MTOR: variants seen among roughly 807,000 people sequenced by gnomAD.
MTOR encodes serine/threonine-protein kinase mTOR.
Under a neutral mutation model 319.8 loss-of-function variants are expected in MTOR, and 70 were observed. That is an observed-to-expected ratio of 0.22 (90% CI 0.18 to 0.27). The LOEUF is 0.27. Among genes scored for constraint, MTOR ranks in the 10% least tolerant of loss-of-function variants. The pLI, the probability that MTOR is intolerant of heterozygous loss-of-function variation, is 1.00. For synonymous variants in MTOR, 1,183 were observed against 1,211.4 expected (o/e 0.98, Z 0.49); for missense variants, 1,890 against 3,274.4 (o/e 0.58, Z 10.32).
chr1:11,123,297 C>T (rs1420348301), intron 47 of MTOR, among the ~76,000 whole-genome samples: 1 of 152,070 alleles, frequency 6.6e-6, no homozygotes, highest in Non-Finnish European at 1.5e-5. Context: ...CTCGCTGTTA[C>T]CTAGGCTCGA....
intron 18 of MTOR, among the ~76,000 whole-genome samples, chr1:11,229,907 G>T (rs963295309): frequency 1.3e-5 from 2 of 152,042 alleles, no homozygotes; most frequent in Non-Finnish European, 2.9e-5. Context: ...AGCCCAGGAG[G>T]TCGAGGCTAC....
intron 29 of MTOR, among the ~76,000 whole-genome samples, chr1:11,167,202 AC>A (rs1159956529): frequency 1.3e-5 from 2 of 152,110 alleles, no homozygotes; most frequent in Non-Finnish European, 2.9e-5. Flanking sequence ...TATGTAACAA[AC>A]CTGCACGTTG....
At chr1:11,232,902 T>C in intron 15 of MTOR, 1 of 601,530 alleles carries the variant, frequency 1.7e-6, no homozygotes, top group Non-Finnish European at 2.9e-6. Context: ...AAATTTTTTT[T>C]AAAAAAGCCC....
intron 6 of MTOR, among the ~76,000 whole-genome samples, chr1:11,250,806 TCAGTCTTCCCACTG>T (rs1423331372): frequency 6.6e-6 from 1 of 152,182 alleles, no homozygotes; most frequent in Non-Finnish European, 1.5e-5. Flanking sequence ...TGCTCCCATT[TCAGTCTTCCCACTG>T]CAGTGAATGG....
intron 4 of MTOR, among the ~76,000 whole-genome samples, chr1:11,256,612 CAG>C (rs1385782525): frequency 6.6e-6 from 1 of 152,192 alleles, no homozygotes; most frequent in Non-Finnish European, 1.5e-5. Context: ...CCCCAGGTTA[CAG>C]AGTTAGGTAG....
In MTOR at chr1:11,121,828, C is replaced by T. The variant is rs1196993911; in HGVS notation, c.6810+151G>A. Reference sequence around the variant, plus strand: ...CTTCAGTTTCTTACAAGCTTATCTGCTTTAGGACTCACTTTATTAAACCTT... The same window carrying T: ...CTTCAGTTTCTTACAAGCTTATCTGTTTTAGGACTCACTTTATTAAACCTT... On this transcript the variant is annotated intron_variant, in intron 48 of 57. Transcript: ENST00000361445. This position sits in a 1 kb window ranked among gnomAD's most constrained non-coding sequence, Gnocchi z 4.9. 9.5e-7 allele frequency: 1 copy of T among 1,055,080 alleles called. No individual in the cohort carries two copies. The highest frequency in any genetic ancestry group is 1.6e-5 in the African/African-American group (1 of 62,466). The allele number at this position is 1,055,080 out of a possible 1,614,324, so 65.4% of individuals were successfully genotyped here.
chr1:11,150,132 C>G lies in MTOR; in HGVS notation c.4564G>C (p.Gly1522Arg). The G allele has an allele frequency of 6.2e-7, 1 of 1,613,902 alleles. No homozygotes were observed. The highest frequency in any genetic ancestry group is 8.5e-7 in the Non-Finnish European group (1 of 1,179,968). The change falls in exon 31 of 58, where the codon GGT becomes CGT. Residue 1522 changes from glycine to arginine, a missense_variant. Physicochemically the swap from Gly to Arg is moderately radical, Grantham distance 125. This residue lies in a region of MTOR where 276 missense variants were observed against 459.4 expected (regional missense o/e 0.60). Transcript: ENST00000361445. ...CCTGTGAGGGAAGCTTTACCTAAAC[C>G]CCATGCAGCTGCAGCAGCCATCCGG... ...MARMAAAAAW[G>R]LGQWDSMEEY... is the part of the protein sequence containing the mutation.
At position 11,241,562 on chromosome 1, in the gene MTOR, A is replaced by G. The variant is rs778795250; in HGVS notation, c.1532T>C (p.Val511Ala). 6.2e-7 allele frequency: 1 copy of G among 1,612,714 alleles called. No homozygotes were observed. The highest frequency in any genetic ancestry group is 8.5e-7 in the Non-Finnish European group (1 of 1,179,130). Residue 511 changes from valine (V) to alanine (A), a missense_variant, in exon 10 of 58, where the codon GTG becomes GCG. Physicochemically the swap from Val to Ala is moderately conservative, Grantham distance 64 (BLOSUM62 0). Around this residue, in one of 15 missense-constraint regions of MTOR, gnomAD observed 418 missense variants for 543.1 expected, o/e 0.77. Coordinates refer to ENST00000361445, the MANE Select transcript of MTOR (RefSeq NM_004958.4). ...IKELLEPMLA[V>A]GLSPALTAVL... ...GGTTTCTGACACCCACCTTAGTCCC[A>G]CTGCCAGCATGGGCTCCAGCAGCTC...
chr1:11,130,432 A>G lies in MTOR; in HGVS notation c.5613+97T>C, dbSNP rs973558056. 3.7e-5 allele frequency: 57 copies of G among 1,537,152 alleles called. No individual in the cohort carries two copies. The South Asian group carries it at 6.6e-4, about 18-fold the overall frequency. ...TTTCCAGCTCCATCTGGCACTTCAG[A>G]TACAGCCTCAGGTTCCTTTTAAGCT... is the stretch of plus-strand genomic sequence containing the variant. On this transcript the variant is annotated intron_variant, in intron 39 of 57. Transcript: ENST00000361445.
rs150584715 is a variant in MTOR at position 11,134,301 on chromosome 1, G to A, written c.5246+50C>T. The stretch of plus-strand genomic sequence containing the variant: ...ACTCCTCCTTGCTGCAGAAGCTGCT[G>A]GGATGACAGGGCTGGAATATGACTT... On this transcript the variant is annotated intron_variant, in intron 37 of 57. Coordinates refer to ENST00000361445, the MANE Select transcript of MTOR (RefSeq NM_004958.4). 17 of 1,541,128 alleles carry A rather than the reference G, an allele frequency of 1.1e-5. No homozygotes were observed. In the Admixed American group the frequency reaches 1.2e-4, roughly 11 times the overall value.
chr1:11,118,228 AT>A (rs771785403), intron 49 of MTOR, among the ~76,000 whole-genome samples: 1,440 of 120,488 alleles, frequency 0.012, 1 homozygote, highest in African/African-American at 0.05. Context: ...AACTTAGTTA[AT>A]TTTTTTTTTT....
chr1:11,220,704 A>G (rs1419719813), intron 19 of MTOR, among the ~76,000 whole-genome samples: 1 of 152,234 alleles, frequency 6.6e-6, no homozygotes. Context: ...AAAAGCAAGG[A>G]AAACAATTCT....
At chr1:11,139,160 CT>C (rs1643569310) in intron 36 of MTOR, 143 bp downstream of exon 36, 4 of 1,174,328 alleles carry the variant, frequency 3.4e-6, no homozygotes, top group Non-Finnish European at 4.8e-6. Flanking sequence ...GGCCAAATAG[CT>C]TTGTAACAGG....
At chr1:11,244,144 T>C (rs1359822208) in intron 8 of MTOR, among the ~76,000 whole-genome samples, 1 of 151,626 alleles carries the variant, frequency 6.6e-6, no homozygotes, top group African/African-American at 2.4e-5. Flanking sequence ...AATACAAAAT[T>C]AGCCGGACAT....
In MTOR at chr1:11,107,474, T is replaced by C. The variant is rs774475209; in HGVS notation, c.*11A>G. On this transcript the variant is annotated 3_prime_UTR_variant, in exon 58 of 58. Transcript: ENST00000361445. ...TCAGAAAAAACGTGATGGGCACATCTGGGCCTCCAGTTACCAGAAAGGGCA... is the reference window on the plus strand; with the variant it reads ...TCAGAAAAAACGTGATGGGCACATCCGGGCCTCCAGTTACCAGAAAGGGCA... 2 of 1,612,300 alleles carry C rather than the reference T, an allele frequency of 1.2e-6. No homozygotes were observed. The highest frequency in any genetic ancestry group is 1.7e-6 in the Non-Finnish European group (2 of 1,179,600).
At chr1:11,240,668 ATAT>A in intron 10 of MTOR, 121 bp from the exon 11 acceptor site, 1 of 1,235,658 alleles carries the variant, frequency 8.1e-7, no homozygotes, top group East Asian at 2.5e-5. Flanking sequence ...AGTAGAAAGG[ATAT>A]TATAAAATAA....
intron 30 of MTOR, among the ~76,000 whole-genome samples, chr1:11,156,550 G>C (rs1373787599): frequency 6.6e-6 from 1 of 152,034 alleles, no homozygotes; most frequent in Non-Finnish European, 1.5e-5. Context: ...CCTTCCTCCA[G>C]GAAGTACTGC....
At chr1:11,144,464 C>A in intron 34 of MTOR, 184 bp downstream of exon 34, 1 of 542,806 alleles carries the variant, frequency 1.8e-6, no homozygotes, top group East Asian at 2.8e-5. Context: ...TGGTCATTCT[C>A]TCACAGCTTA....
intron 8 of MTOR, among the ~76,000 whole-genome samples, chr1:11,245,405 T>C (rs1648680152): frequency 6.6e-6 from 1 of 152,164 alleles, no homozygotes. Context: ...GACAATGAAT[T>C]AGACTTCTAA....
Sources: gnomAD v4.1 joint callset for allele counts (sites outside exome capture counted in the v4.1 genomes callset) on GRCh38, gnomAD v4.1.1 for gene constraint, gnomAD v4.1.1 regional missense constraint, Gnocchi (gnomAD v3.1) non-coding constraint, MANE v1.5 for transcripts, NCBI Gene and HGNC (gene_info 2026-07-23, HGNC 2026-07-21) for gene names.